Variants in RBMS3 observed in about 807,000 individuals in gnomAD.
The protein encoded by RBMS3 is RNA binding motif single stranded interacting protein 3, also known as RNA-binding motif, single-stranded-interacting protein 3.
In RBMS3, 27 loss-of-function variants were observed where a neutral mutation model predicts 66.8. The ratio of observed to expected loss-of-function variants is 0.40; its 90% confidence interval spans 0.30 to 0.56. RBMS3 has a LOEUF of 0.56. RBMS3 is among the 20% of genes least tolerant of loss of function. The pLI, the probability that RBMS3 is intolerant of heterozygous loss-of-function variation, is 0.40. For missense variants in RBMS3, 513 were observed against 549.5 expected, an observed-to-expected ratio of 0.93 and a Z score of 0.66; for synonymous variants, 188 against 183.0, an observed-to-expected ratio of 1.03 and a Z score of -0.22.
intron 1 of RBMS3, among the ~76,000 whole-genome samples, chr3:29,342,437 C>A (rs1376239184): frequency 6.6e-6 from 1 of 152,086 alleles, no homozygotes; most frequent in Non-Finnish European, 1.5e-5. Context: ...TGTGCCTTAC[C>A]CATTGTGTCT....
Position 29,972,802 on chromosome 3 carries a change from TGGCTAAAGCATCTTTACCAAG to T in RBMS3, c.1099-15340_1099-15320del, listed in dbSNP as rs577733911. ...AGTTTGAATAAGTTCCCTTTCTCTT[TGGCTAAAGCATCTTTACCAAG>T]CCCAATCTAATGCATTAGTCACAGA... is the stretch of plus-strand genomic sequence containing the variant. On this transcript the variant is annotated intron_variant, in intron 12 of 14. Coordinates refer to ENST00000383767, the MANE Select transcript of RBMS3 (RefSeq NM_001003793.3). Among the ~76,000 whole-genome samples the T allele has an allele frequency of 4.0e-3, 610 of 152,216 alleles. 1 individual carries two copies. The highest frequency in any genetic ancestry group is 0.014 in the African/African-American group (584 of 41,558).
chr3:29,869,039 T>TGGTGCCATGATGAAATTG (rs1263008285), intron 7 of RBMS3, 75 bp downstream of exon 7: 1 of 1,233,084 alleles, frequency 8.1e-7, no homozygotes. Context: ...GGCAGACGTA[T>TGGTGCCATGATGAAATTG]GGTGCCATGA....
intron 4 of RBMS3, among the ~76,000 whole-genome samples, chr3:29,695,756 C>T (rs778160944): frequency 3.9e-5 from 6 of 152,266 alleles, no homozygotes; most frequent in Non-Finnish European, 5.9e-5. Flanking sequence ...GTGGACAGCA[C>T]GGGAGAACAC....
At chr3:29,680,111 T>C (rs911766597) in intron 4 of RBMS3, among the ~76,000 whole-genome samples, 1 of 152,192 alleles carries the variant, frequency 6.6e-6, no homozygotes, top group African/African-American at 2.4e-5. Flanking sequence ...TGCCTCACAG[T>C]ATCCATCATT....
At chr3:29,809,553 A>T (rs1162675147) in intron 6 of RBMS3, among the ~76,000 whole-genome samples, 1 of 151,982 alleles carries the variant, frequency 6.6e-6, no homozygotes, top group African/African-American at 2.4e-5. Context: ...AATTTTCATT[A>T]CTAATATTAA....
chr3:30,005,884 A>G lies in RBMS3; in HGVS notation c.*2022A>G, dbSNP rs915850647. 1.7e-4 allele frequency: 26 copies of G among 151,932 alleles called. No homozygotes were observed. The highest frequency in any genetic ancestry group is 5.9e-5 in the Non-Finnish European group (4 of 67,848). The allele number at this position is 151,932 out of a possible 1,614,324, so 9.4% of individuals were successfully genotyped here. On this transcript the variant is annotated 3_prime_UTR_variant, in exon 15 of 15. Transcript: ENST00000383767. ...ATAAGAACCAAAAGAATTAGGTTTG[A>G]TCAATCATTTAAGCCAAGGAGGAAT...
At position 29,488,287 on chromosome 3, in the gene RBMS3, GA is replaced by G. The variant is rs576955044; in HGVS notation, c.249-151del. On this transcript the variant is annotated intron_variant, in intron 2 of 14. Coordinates refer to ENST00000383767, the MANE Select transcript of RBMS3 (RefSeq NM_001003793.3). The stretch of plus-strand genomic sequence containing the variant: ...TCCTAAGTTATAAAGAAGAACTGGT[GA>G]AAGGACATCATCCAGGTGTGAAATG... Among the ~76,000 whole-genome samples, 6 of 152,334 alleles carry G rather than the reference GA, an allele frequency of 3.9e-5. No homozygotes were observed. In the East Asian group the frequency reaches 1.2e-3, roughly 29 times the overall value.
At chr3:29,395,381 C>G (rs1182863290) in intron 1 of RBMS3, among the ~76,000 whole-genome samples, 3 of 152,044 alleles carry the variant, frequency 2.0e-5, no homozygotes, top group African/African-American at 7.2e-5. Context: ...GGGGAAAACA[C>G]TGGGTCAGTG....
At chr3:29,667,519 G>T (rs1014603589) in intron 4 of RBMS3, among the ~76,000 whole-genome samples, 4 of 152,120 alleles carry the variant, frequency 2.6e-5, no homozygotes, top group Non-Finnish European at 5.9e-5. Context: ...GAGAAACACT[G>T]ATTGTTCCTG....
chr3:29,330,345 A>G (rs11129360), intron 1 of RBMS3, among the ~76,000 whole-genome samples: 63,122 of 151,968 alleles, frequency 0.42, 15,788 homozygotes, highest in African/African-American at 0.66. Flanking sequence ...TTGTCACTCA[A>G]TAGCTTCTGC....
At chr3:29,562,575 A>T (rs185234571) in intron 3 of RBMS3, among the ~76,000 whole-genome samples, 29 of 152,248 alleles carry the variant, frequency 1.9e-4, no homozygotes, top group African/African-American at 6.7e-4. Context: ...GTCTACCTGA[A>T]CCAAGGAATA....
intron 2 of RBMS3, among the ~76,000 whole-genome samples, chr3:29,456,027 T>A (rs1388813594): frequency 2.6e-5 from 4 of 152,164 alleles, no homozygotes; most frequent in Admixed American, 6.6e-5. Flanking sequence ...TACAAATAAA[T>A]GTTAGCAAGT....
intron 1 of RBMS3, among the ~76,000 whole-genome samples, chr3:29,423,275 T>G (rs1476620544): frequency 6.6e-6 from 1 of 152,240 alleles, no homozygotes; most frequent in African/African-American, 2.4e-5. Context: ...TTCTATCTTT[T>G]CTTGGTATTT....
In RBMS3 at chr3:29,611,635, A is replaced by T. The variant is rs529168151; in HGVS notation, c.399+24430A>T. On this transcript the variant is annotated intron_variant, in intron 4 of 14. Coordinates refer to ENST00000383767, the MANE Select transcript of RBMS3 (RefSeq NM_001003793.3). ...GTAATTCAAGTTAATCTTTCAATGG[A>T]TAAAGCCAGAGGGCAGGAGCTCCGT... is the stretch of plus-strand genomic sequence containing the variant. Among the ~76,000 whole-genome samples, 6 of 152,174 alleles carry T rather than the reference A, an allele frequency of 3.9e-5. No individual in the cohort carries two copies. The East Asian group carries it at 1.2e-3, about 29-fold the overall frequency.
At chr3:29,838,987 T>C (rs1185872289) in intron 6 of RBMS3, among the ~76,000 whole-genome samples, 2 of 152,230 alleles carry the variant, frequency 1.3e-5, no homozygotes, top group African/African-American at 4.8e-5. Flanking sequence ...ACAGCTTCTA[T>C]TGGAATTACC....
intron 2 of RBMS3, among the ~76,000 whole-genome samples, chr3:29,481,755 A>G (rs551094204): frequency 3.7e-4 from 57 of 152,340 alleles, no homozygotes; most frequent in African/African-American, 1.3e-3. Context: ...TGGGGCCTCT[A>G]GAAGCATTGA....
At chr3:29,910,194 T>C (rs1279646113) in intron 10 of RBMS3, among the ~76,000 whole-genome samples, 3 of 152,102 alleles carry the variant, frequency 2.0e-5, no homozygotes. Flanking sequence ...ATAAAGTCCT[T>C]GTCAGACTTT....
At chr3:29,800,255 T>A (rs2057347704) in intron 6 of RBMS3, among the ~76,000 whole-genome samples, 1 of 151,804 alleles carries the variant, frequency 6.6e-6, no homozygotes, top group South Asian at 2.1e-4. Context: ...CATTTCCCCC[T>A]CCTCCATTTT....
intron 1 of RBMS3, among the ~76,000 whole-genome samples, chr3:29,336,574 C>A (rs906720867): frequency 2.6e-5 from 4 of 152,096 alleles, no homozygotes; most frequent in Non-Finnish European, 5.9e-5. Flanking sequence ...AAAGCTGGGC[C>A]CCTGTAAGAA....
Sources: allele counts gnomAD v4.1 joint callset (sites outside exome capture counted in the v4.1 genomes callset), GRCh38; gene constraint gnomAD v4.1.1; transcripts MANE v1.5; gene names NCBI Gene and HGNC (gene_info 2026-07-23, HGNC 2026-07-21).